The following SLC2A13 variants were observed in gnomAD, a reference collection of about 807,000 sequenced individuals.
The protein encoded by SLC2A13 is proton myo-inositol cotransporter.
A neutral mutation model predicts 64.4 loss-of-function variants in SLC2A13; 32 were observed. That is an observed-to-expected ratio of 0.50 (90% CI 0.37 to 0.67). The LOEUF (loss-of-function observed/expected upper bound fraction) is 0.67, where lower values mean the gene tolerates loss of function less well. Ranked by LOEUF, SLC2A13 falls within the 30% of genes least tolerant of loss-of-function variation. The pLI is 0.00. For missense variants in SLC2A13, 743 were observed against 829.2 expected, an observed-to-expected ratio of 0.90 and a Z score of 1.28; for synonymous variants, 338 against 327.1, an observed-to-expected ratio of 1.03 and a Z score of -0.36.
intron 3 of SLC2A13, among the ~76,000 whole-genome samples, chr12:39,988,986 T>C (rs571383422): frequency 1.2e-3 from 185 of 152,206 alleles, no homozygotes; most frequent in African/African-American, 4.4e-3. Context: ...GCCTCCAATT[T>C]AAGGGGCCAG....
At chr12:39,981,891 C>A (rs1946912138) in intron 3 of SLC2A13, among the ~76,000 whole-genome samples, 1 of 114,442 alleles carries the variant, frequency 8.7e-6, no homozygotes, top group African/African-American at 3.5e-5. Flanking sequence ...AATTTTAGAC[C>A]AATATCTTTG....
chr12:40,040,143 C>T (rs1049027275), intron 2 of SLC2A13, among the ~76,000 whole-genome samples: 3 of 152,192 alleles, frequency 2.0e-5, no homozygotes, highest in Non-Finnish European at 2.9e-5. Context: ...TAACCTAAAA[C>T]ATTCTGAAGA....
chr12:40,058,066 TAG>T, intron 1 of SLC2A13, among the ~76,000 whole-genome samples: 1 of 150,546 alleles, frequency 6.6e-6, no homozygotes, highest in East Asian at 1.9e-4. Flanking sequence ...GATAGATAGA[TAG>T]ATAGATAGAT....
At chr12:39,896,555 TG>T (rs1944915769) in intron 4 of SLC2A13, among the ~76,000 whole-genome samples, 1 of 135,218 alleles carries the variant, frequency 7.4e-6, no homozygotes, top group Non-Finnish European at 1.6e-5. Context: ...TGTGTATACA[TG>T]TATACATATA....
chr12:39,794,488 A>C (rs1941511733), intron 7 of SLC2A13, among the ~76,000 whole-genome samples: 5 of 152,166 alleles, frequency 3.3e-5, no homozygotes, highest in Admixed American at 3.3e-4. Context: ...TATAAAATAG[A>C]CTGTAACCTA....
At chr12:40,092,616 A>G (rs562481108) in intron 1 of SLC2A13, among the ~76,000 whole-genome samples, 9 of 152,352 alleles carry the variant, frequency 5.9e-5, no homozygotes, top group East Asian at 3.9e-4. Context: ...CCAAGCCACA[A>G]TGTGCCTGGC....
intron 6 of SLC2A13, among the ~76,000 whole-genome samples, chr12:39,842,085 A>T (rs990689686): frequency 6.6e-6 from 1 of 152,120 alleles, no homozygotes; most frequent in Non-Finnish European, 1.5e-5. Flanking sequence ...GCAAGGTCAC[A>T]TAACTGAAAT....
At chr12:39,971,349 A>T (rs1946643082) in intron 3 of SLC2A13, among the ~76,000 whole-genome samples, 1 of 152,216 alleles carries the variant, frequency 6.6e-6, no homozygotes, top group Non-Finnish European at 1.5e-5. Flanking sequence ...TAAAAATATA[A>T]TTTGGTTTTT....
chr12:39,971,168 C>A (rs1354887753), intron 3 of SLC2A13, among the ~76,000 whole-genome samples: 1 of 151,262 alleles, frequency 6.6e-6, no homozygotes, highest in African/African-American at 2.4e-5. Context: ...CATAAGTTTC[C>A]TAAAATCATT....
chr12:39,899,806 A>C (rs1021100895), intron 4 of SLC2A13, among the ~76,000 whole-genome samples: 8 of 152,120 alleles, frequency 5.3e-5, no homozygotes, highest in African/African-American at 1.7e-4. Flanking sequence ...TGAGTTTCTT[A>C]ATCCTGAGCT....
intron 5 of SLC2A13, among the ~76,000 whole-genome samples, chr12:39,870,534 GCTTCTGC>G (rs945413761): frequency 6.6e-6 from 1 of 152,126 alleles, no homozygotes; most frequent in Non-Finnish European, 1.5e-5. Flanking sequence ...TACCTGGTAG[GCTTCTGC>G]CTTTAGTCTG....
At chr12:40,094,486 C>A (rs1461358979) in intron 1 of SLC2A13, among the ~76,000 whole-genome samples, 1 of 152,006 alleles carries the variant, frequency 6.6e-6, no homozygotes, top group Non-Finnish European at 1.5e-5. Context: ...GTCCAAAAGC[C>A]AAAGAAAATG....
At chr12:39,913,255 T>C (rs1050650626) in intron 4 of SLC2A13, among the ~76,000 whole-genome samples, 1 of 151,698 alleles carries the variant, frequency 6.6e-6, no homozygotes, top group Admixed American at 6.6e-5. Context: ...TTTTACACAT[T>C]GGAAGAAAAA....
chr12:39,767,831 C>T (rs1253931747), intron 7 of SLC2A13, among the ~76,000 whole-genome samples: 1 of 152,010 alleles, frequency 6.6e-6, no homozygotes, highest in Non-Finnish European at 1.5e-5. Flanking sequence ...GGGCTTTTCC[C>T]CTTTTTACTT....
chr12:40,077,534 A>G (rs1938225896), intron 1 of SLC2A13, among the ~76,000 whole-genome samples: 1 of 152,126 alleles, frequency 6.6e-6, no homozygotes, highest in Non-Finnish European at 1.5e-5. Flanking sequence ...TACCAGTATC[A>G]TGCTGTTTTG....
intron 3 of SLC2A13, among the ~76,000 whole-genome samples, chr12:39,971,890 G>A (rs530437970): frequency 2.4e-4 from 36 of 149,784 alleles, no homozygotes; most frequent in South Asian, 8.4e-4. Flanking sequence ...CAAAAGAATC[G>A]CTTGAGCCCA....
At chr12:39,860,544 G>A (rs1456249773) in intron 6 of SLC2A13, among the ~76,000 whole-genome samples, 2 of 152,108 alleles carry the variant, frequency 1.3e-5, no homozygotes, top group Non-Finnish European at 2.9e-5. Context: ...CAATATCCCA[G>A]CTGATGTTGG....
At chr12:39,906,552 A>C (rs1945288543) in intron 4 of SLC2A13, among the ~76,000 whole-genome samples, 1 of 152,090 alleles carries the variant, frequency 6.6e-6, no homozygotes, top group South Asian at 2.1e-4. Context: ...TTTAACTTGA[A>C]AGAAACCATT....
chr12:40,051,417 C>T (rs1948251662), intron 1 of SLC2A13, among the ~76,000 whole-genome samples: 2 of 152,144 alleles, frequency 1.3e-5, no homozygotes, highest in Non-Finnish European at 2.9e-5. Flanking sequence ...ATTCATCAGA[C>T]ACTGGATCTG....
Sources: allele counts gnomAD v4.1 joint callset (sites outside exome capture counted in the v4.1 genomes callset), GRCh38; gene constraint gnomAD v4.1.1; transcripts MANE v1.5; gene names NCBI Gene and HGNC (gene_info 2026-07-23, HGNC 2026-07-21).